Variants in C16orf74 observed in about 807,000 individuals in gnomAD.
C16orf74 encodes the protein calcimembrin.
Under a neutral mutation model 6.5 loss-of-function variants are expected in C16orf74, and 10 were observed. The ratio of observed to expected loss-of-function variants is 1.54; its 90% confidence interval spans 0.95 to 2.61. C16orf74 has a LOEUF of 2.61. Among genes scored for constraint, C16orf74 ranks in the 30% most tolerant of loss-of-function variants. The pLI, the probability that C16orf74 is intolerant of heterozygous loss-of-function variation, is 0.00. For missense variants in C16orf74, 141 were observed against 105.9 expected (o/e 1.33, Z -1.45); for synonymous variants, 60 against 42.5 (o/e 1.41, Z -1.60).
At chr16:85,746,283 G>C (rs2054372423) in intron 1 of C16orf74, among the ~76,000 whole-genome samples, 1 of 152,220 alleles carries the variant, frequency 6.6e-6, no homozygotes, top group Non-Finnish European at 1.5e-5. Context: ...TTGGGAGACA[G>C]AGGCTGCAGC....
chr16:85,720,440 G>A (rs368138330), intron 2 of C16orf74, among the ~76,000 whole-genome samples: 1 of 152,122 alleles, frequency 6.6e-6, no homozygotes, highest in African/African-American at 2.4e-5. Flanking sequence ...GCTGTGGAGG[G>A]TGTAGGTACA....
chr16:85,737,008 A>G (rs1415656287), intron 1 of C16orf74, among the ~76,000 whole-genome samples: 1 of 152,084 alleles, frequency 6.6e-6, no homozygotes, highest in African/African-American at 2.4e-5. Context: ...GTGCCACTGC[A>G]CTGCAGCCTG....
At chr16:85,749,343 T>G (rs531397097) in intron 1 of C16orf74, among the ~76,000 whole-genome samples, 1 of 152,254 alleles carries the variant, frequency 6.6e-6, no homozygotes, top group East Asian at 1.9e-4. Context: ...TGGAATGCAG[T>G]GGCGTGATCA....
chr16:85,749,903 A>G (rs1041927525), intron 1 of C16orf74, among the ~76,000 whole-genome samples: 35 of 152,146 alleles, frequency 2.3e-4, no homozygotes, highest in African/African-American at 8.2e-4. Flanking sequence ...GTTTCCATAA[A>G]TACACGGCCT....
intron 1 of C16orf74, 41 bp from the exon 2 acceptor site, chr16:85,735,276 CTTGT>C (rs1249580489): frequency 8.0e-6 from 12 of 1,497,124 alleles, no homozygotes; most frequent in Middle Eastern, 1.7e-4. Flanking sequence ...GAGGGCGCGA[CTTGT>C]TTGTATTGGC....
In C16orf74 at chr16:85,744,674, CA is replaced by C. The variant is rs561350428; in HGVS notation, c.-19+6251del. ...TGAAACCCTGTCTCTACTAAAAATA[CA>C]AAAAATTAGTCAGGCATGGTGGCAG... On this transcript the variant is annotated intron_variant, in intron 1 of 3. Coordinates refer to ENST00000284245, the MANE Select transcript of C16orf74 (RefSeq NM_206967.3). Among the ~76,000 whole-genome samples, 751 of 151,656 alleles carry C rather than the reference CA, an allele frequency of 5.0e-3. 8 individuals are homozygous for C. Among genetic ancestry groups the C allele is most frequent in the Non-Finnish European group, 7.6e-3 (514 of 67,926 alleles).
intron 1 of C16orf74, among the ~76,000 whole-genome samples, chr16:85,739,811 G>A (rs1046173156): frequency 1.3e-5 from 2 of 152,194 alleles, no homozygotes; most frequent in East Asian, 3.9e-4. Context: ...AAAAAGAAAA[G>A]AAGTAATAAA....
At chr16:85,721,041 A>G (rs926653450) in intron 2 of C16orf74, among the ~76,000 whole-genome samples, 9 of 152,240 alleles carry the variant, frequency 5.9e-5, no homozygotes, top group Middle Eastern at 3.4e-3. Context: ...CAGTGAACCA[A>G]GATCGCGCCA....
At chr16:85,714,386 TTTATTTATTTATTTA>T (rs1364583445) in intron 2 of C16orf74, among the ~76,000 whole-genome samples, 3 of 79,962 alleles carry the variant, frequency 3.8e-5, no homozygotes, top group East Asian at 8.4e-4. Flanking sequence ...CTATTATTTA[TTTATTTATTTATTTA>T]TTATTTATTT....
At chr16:85,748,259 G>A (rs1290658306) in intron 1 of C16orf74, among the ~76,000 whole-genome samples, 2 of 151,752 alleles carry the variant, frequency 1.3e-5, no homozygotes, top group Non-Finnish European at 2.9e-5. Context: ...ATGGCTTTTG[G>A]GTCATAGGAG....
intron 1 of C16orf74, among the ~76,000 whole-genome samples, chr16:85,746,145 T>A (rs1364932408): frequency 6.6e-6 from 1 of 151,966 alleles, no homozygotes; most frequent in East Asian, 1.9e-4. Context: ...AGGCTGGGCG[T>A]TCAAGACCAG....
chr16:85,740,691 CAAAAAAAA>C (rs59658163), intron 1 of C16orf74, among the ~76,000 whole-genome samples: 11 of 131,002 alleles, frequency 8.4e-5, no homozygotes, highest in Non-Finnish European at 9.6e-5. Context: ...GACTCTGTTT[CAAAAAAAA>C]AAAAAAAAAA....
chr16:85,726,103 G>A (rs1254190504), intron 2 of C16orf74, among the ~76,000 whole-genome samples: 1 of 152,080 alleles, frequency 6.6e-6, no homozygotes, highest in Non-Finnish European at 1.5e-5. Context: ...TAACTCCAGT[G>A]TCGGCACCAC....
rs560309183 is a variant in C16orf74 at position 85,711,383 on chromosome 16, A to C, written c.29-1076T>G. On this transcript the variant is annotated intron_variant, in intron 2 of 3. Transcript: ENST00000284245. ...TAATCCCAGCACTTTGGAAGGCTGA[A>C]GTGGGCAGATCACCTAAGGTCAGGA... is the stretch of plus-strand genomic sequence containing the variant. 3.3e-5 allele frequency among the ~76,000 whole-genome samples: 5 copies of C among 149,914 alleles called. No homozygotes were observed. The South Asian group carries it at 1.1e-3, about 32-fold the overall frequency.
chr16:85,714,837 A>AGTG (rs2054006489), intron 2 of C16orf74, among the ~76,000 whole-genome samples: 1 of 151,224 alleles, frequency 6.6e-6, no homozygotes, highest in African/African-American at 2.4e-5. Context: ...GGTCTAATAC[A>AGTG]GTGGGGTTTG....
At chr16:85,732,975 G>C (rs1828846436) in intron 2 of C16orf74, among the ~76,000 whole-genome samples, 1 of 152,218 alleles carries the variant, frequency 6.6e-6, no homozygotes, top group African/African-American at 2.4e-5. Context: ...GGCCGAGGGT[G>C]GGTGGAGGTG....
chr16:85,721,599 G>A (rs2054083397), intron 2 of C16orf74, among the ~76,000 whole-genome samples: 1 of 152,196 alleles, frequency 6.6e-6, no homozygotes, highest in Admixed American at 6.5e-5. Context: ...TGGGCATCCT[G>A]TTTTTATGTT....
At chr16:85,738,982 C>CTA (rs768008096) in intron 1 of C16orf74, among the ~76,000 whole-genome samples, 1 of 151,886 alleles carries the variant, frequency 6.6e-6, no homozygotes, top group Non-Finnish European at 1.5e-5. Flanking sequence ...ACTTTGGACT[C>CTA]TAGAGCCCAC....
intron 1 of C16orf74, among the ~76,000 whole-genome samples, chr16:85,736,445 C>T (rs773912211): frequency 5.9e-5 from 9 of 152,078 alleles, no homozygotes; most frequent in African/African-American, 1.4e-4. Flanking sequence ...GGCCAGAAAT[C>T]GGGGAGGTGA....
Sources: allele counts gnomAD v4.1 joint callset (sites outside exome capture counted in the v4.1 genomes callset), GRCh38; gene constraint gnomAD v4.1.1; transcripts MANE v1.5; gene names NCBI Gene and HGNC (gene_info 2026-07-23, HGNC 2026-07-21).